Variants in PCCA observed in about 807,000 individuals in gnomAD.
The protein encoded by PCCA is propionyl-CoA carboxylase subunit alpha, also known as propionyl-CoA carboxylase alpha chain, mitochondrial.
PCCA carries 74 observed loss-of-function variants against 101.3 expected under a neutral mutation model. That is an observed-to-expected ratio of 0.73 (90% CI 0.61 to 0.89). The LOEUF is 0.89. Among genes scored for constraint, PCCA ranks in the 40% least tolerant of loss-of-function variants. The pLI, the probability that PCCA is intolerant of heterozygous loss-of-function variation, is 0.00. For synonymous variants in PCCA, 294 were observed against 313.6 expected, an observed-to-expected ratio of 0.94 and a Z score of 0.66; for missense variants, 891 against 907.0, an observed-to-expected ratio of 0.98 and a Z score of 0.23.
chr13:100,437,248 G>T lies in PCCA; in HGVS notation c.1845+11517G>T, dbSNP rs78704333. ...AACCACCCGCACCTGCTTTAAGTAC[G>T]CTGCCTTTCTGACTTCAAGAAAATC... On this transcript the variant is annotated intron_variant, in intron 20 of 23. Coordinates refer to ENST00000376285, the MANE Select transcript of PCCA (RefSeq NM_000282.4). Among the ~76,000 whole-genome samples, 358 of 152,200 alleles carry T rather than the reference G, an allele frequency of 2.4e-3. 1 individual carries two copies. Among genetic ancestry groups the T allele is most frequent in the African/African-American group, 8.3e-3 (343 of 41,528 alleles).
rs555564285 is a variant in PCCA at position 100,499,588 on chromosome 13, CT to C, written c.1900-15836del. 3.3e-5 allele frequency among the ~76,000 whole-genome samples: 5 copies of C among 152,336 alleles called. No homozygotes were observed. In the East Asian group the frequency reaches 9.7e-4, roughly 29 times the overall value. ...AGTGTCTTATTAAGGCGGTTCCAGC[CT>C]TTCATATCCTGCCTCCTTGGGATAA... On this transcript the variant is annotated intron_variant, in intron 21 of 23. Transcript: ENST00000376285.
intron 8 of PCCA, among the ~76,000 whole-genome samples, chr13:100,246,977 T>G (rs939095305): frequency 6.6e-6 from 1 of 151,512 alleles, no homozygotes; most frequent in Non-Finnish European, 1.5e-5. Context: ...GGTGCGATCT[T>G]GGCTCAATGC....
intron 12 of PCCA, among the ~76,000 whole-genome samples, chr13:100,274,388 T>C (rs1327560597): frequency 2.0e-5 from 3 of 152,262 alleles, no homozygotes; most frequent in Non-Finnish European, 4.4e-5. Context: ...GTTAGATTTC[T>C]GTAGATAGTT....
At chr13:100,130,640 A>G (rs1329426813) in intron 4 of PCCA, among the ~76,000 whole-genome samples, 1 of 152,172 alleles carries the variant, frequency 6.6e-6, no homozygotes, top group Non-Finnish European at 1.5e-5. Context: ...TATTTAGTTG[A>G]TTGCAAATCT....
intron 6 of PCCA, among the ~76,000 whole-genome samples, chr13:100,204,833 G>C (rs561408128): frequency 6.6e-6 from 1 of 152,216 alleles, no homozygotes; most frequent in African/African-American, 2.4e-5. Flanking sequence ...ATGCTGAAGT[G>C]TAGTGGCTAG....
chr13:100,392,255 C>A (rs79860794), intron 19 of PCCA, among the ~76,000 whole-genome samples: 4,415 of 152,094 alleles, frequency 0.029, 196 homozygotes, highest in African/African-American at 0.098. Flanking sequence ...GAAGGAGTTC[C>A]AAAAACTGCT....
chr13:100,477,536 C>T (rs758854852), intron 21 of PCCA: 17 of 152,132 alleles, frequency 1.1e-4, no homozygotes, highest in South Asian at 2.1e-4. Context: ...AGGTGAGAGA[C>T]GGCGGCTTTA....
In PCCA at chr13:100,330,580, A is replaced by T. The variant is rs764611115; in HGVS notation, c.1449A>T (p.Ala483=). 12 of 1,606,426 alleles carry T rather than the reference A, an allele frequency of 7.5e-6. No homozygotes were observed. The highest frequency in any genetic ancestry group is 9.4e-6 in the Non-Finnish European group (11 of 1,173,572). The change falls in exon 17 of 24, where the codon GCA becomes GCT. Residue 483 remains alanine, a synonymous_variant. Coordinates refer to ENST00000376285, the MANE Select transcript of PCCA (RefSeq NM_000282.4). The stretch of plus-strand genomic sequence containing the variant: ...TTTTAGGTGTTACACATAATATTGC[A>T]TTACTTCGAGAGGTGATAATCAACT... ...YVIRGVTHNI[A]LLREVIINSR...
chr13:100,391,305 C>T (rs1378101407), intron 19 of PCCA, among the ~76,000 whole-genome samples: 1 of 152,170 alleles, frequency 6.6e-6, no homozygotes, highest in Non-Finnish European at 1.5e-5. Flanking sequence ...GACAAAGGAG[C>T]GGGTGGAGAT....
chr13:100,090,142 T>C (rs1416603377), intron 1 of PCCA, among the ~76,000 whole-genome samples: 1 of 152,248 alleles, frequency 6.6e-6, no homozygotes, highest in African/African-American at 2.4e-5. Context: ...TAACTTGATT[T>C]ATAGTCATTT....
chr13:100,307,607 T>C (rs550990058), intron 15 of PCCA, among the ~76,000 whole-genome samples: 1 of 152,326 alleles, frequency 6.6e-6, no homozygotes, highest in African/African-American at 2.4e-5. Flanking sequence ...GATGGAAGTA[T>C]GAATGAATGG....
chr13:100,295,262 G>T (rs1172491072), intron 12 of PCCA, among the ~76,000 whole-genome samples: 1 of 152,118 alleles, frequency 6.6e-6, no homozygotes, highest in African/African-American at 2.4e-5. Flanking sequence ...CTTTCAGGCT[G>T]GAATAGCAAC....
At chr13:100,489,326 T>C (rs918008822) in intron 21 of PCCA, among the ~76,000 whole-genome samples, 2 of 152,056 alleles carry the variant, frequency 1.3e-5, no homozygotes, top group African/African-American at 4.8e-5. Flanking sequence ...AAAAGTTTTA[T>C]CGGAACACAG....
intron 12 of PCCA, among the ~76,000 whole-genome samples, chr13:100,295,160 G>A (rs1479395848): frequency 2.0e-5 from 3 of 152,118 alleles, no homozygotes; most frequent in East Asian, 3.9e-4. Flanking sequence ...CAGAATTTTA[G>A]TAGGTACATG....
intron 1 of PCCA, among the ~76,000 whole-genome samples, chr13:100,101,510 A>G (rs2047275942): frequency 6.6e-6 from 1 of 152,048 alleles, no homozygotes; most frequent in South Asian, 2.1e-4. Context: ...TTGGTCTTTT[A>G]CTTGGTAAAG....
intron 10 of PCCA, 41 bp from the exon 11 acceptor site, chr13:100,268,648 G>T (rs759764932): frequency 7.4e-6 from 10 of 1,356,336 alleles, no homozygotes; most frequent in East Asian, 4.6e-5. Context: ...CTACTTTGTG[G>T]GTGTGGTTAT....
chr13:100,349,177 G>A (rs1430670944), intron 18 of PCCA, among the ~76,000 whole-genome samples: 1 of 150,970 alleles, frequency 6.6e-6, no homozygotes, highest in African/African-American at 2.4e-5. Flanking sequence ...AGGCTGGAGT[G>A]CGATGGCGCA....
intron 12 of PCCA, among the ~76,000 whole-genome samples, chr13:100,289,333 T>C (rs1258569956): frequency 6.6e-6 from 1 of 152,106 alleles, no homozygotes; most frequent in Non-Finnish European, 1.5e-5. Context: ...TGTATTTGTA[T>C]AGATGGGGTC....
At chr13:100,477,179 G>C (rs1435194696) in intron 21 of PCCA, 1 of 152,194 alleles carries the variant, frequency 6.6e-6, no homozygotes. Context: ...TGTAAAATGA[G>C]AGTGATTGTA....
Sources: gnomAD v4.1 joint callset for allele counts (sites outside exome capture counted in the v4.1 genomes callset) on GRCh38, gnomAD v4.1.1 for gene constraint, MANE v1.5 for transcripts, NCBI Gene and HGNC (gene_info 2026-07-23, HGNC 2026-07-21) for gene names.